Variants in ALDH1L1 observed in about 807,000 individuals in gnomAD.
ALDH1L1 encodes the protein cytosolic 10-formyltetrahydrofolate dehydrogenase.
In ALDH1L1, 68 loss-of-function variants were observed where a neutral mutation model predicts 101.1. That is an observed-to-expected ratio of 0.67 (90% confidence interval 0.55 to 0.82). The LOEUF (loss-of-function observed/expected upper bound fraction) is 0.82, where lower values mean the gene tolerates loss of function less well. ALDH1L1 is among the 40% of genes least tolerant of loss of function. The probability of loss-of-function intolerance (pLI) is 0.00; values close to 1 mark genes in which losing one functional copy is unlikely to be tolerated. For synonymous variants in ALDH1L1, 486 were observed against 470.8 expected (o/e 1.03, Z -0.42); for missense variants, 1,087 against 1,172.7 (o/e 0.93, Z 1.07).
upstream of ALDH1L1, among the ~76,000 whole-genome samples, chr3:126,186,097 G>C (rs563937377): frequency 6.6e-6 from 1 of 152,272 alleles, no homozygotes; most frequent in South Asian, 2.1e-4. Flanking sequence ...TCTGGAGATG[G>C]ATGGCAGTGA....
chr3:126,146,908 G>T lies in ALDH1L1; in HGVS notation c.1003C>A (p.Leu335Ile). Residue 335 changes from leucine to isoleucine, a missense_variant, in exon 9 of 23, where the codon CTC (leucine) becomes ATC (isoleucine). This residue lies in a region of ALDH1L1 where 645 missense variants were observed against 637.0 expected (regional missense o/e 1.01). Coordinates refer to ENST00000393434, the MANE Select transcript of ALDH1L1 (RefSeq NM_012190.4). ...TCTTCAACCTCCAGGACTTTGGGGAGGATCCGCTGCCAAACACTCTGCAAA... is the reference window on the plus strand; with the variant it reads ...TCTTCAACCTCCAGGACTTTGGGGATGATCCGCTGCCAAACACTCTGCAAA... Reference protein sequence around the residue: ...EAVRSVWQRILPKVLEVEDST... With the variant: ...EAVRSVWQRIIPKVLEVEDST... 1 of 1,613,960 alleles carries T rather than the reference G, an allele frequency of 6.2e-7. No individual in the cohort carries two copies. The highest frequency in any genetic ancestry group is 1.1e-5 in the South Asian group (1 of 90,962).
At chr3:126,188,094 C>G (rs2081531551) in intron 1 of ALDH1L1, among the ~76,000 whole-genome samples, 1 of 152,172 alleles carries the variant, frequency 6.6e-6, no homozygotes, top group African/African-American at 2.4e-5. Flanking sequence ...AGCATTGTAT[C>G]TCACTTGAAG....
At chr3:126,188,368 C>G (rs917365896) in intron 1 of ALDH1L1, among the ~76,000 whole-genome samples, 1 of 152,214 alleles carries the variant, frequency 6.6e-6, no homozygotes, top group African/African-American at 2.4e-5. Context: ...TGTGGGACTT[C>G]AGTATGCACG....
chr3:126,189,227 T>A (rs916436716), intron 1 of ALDH1L1, among the ~76,000 whole-genome samples: 9 of 152,130 alleles, frequency 5.9e-5, no homozygotes, highest in Non-Finnish European at 1.0e-4. Flanking sequence ...AGAAAAAAAA[T>A]TCAACATTTT....
Position 126,118,082 on chromosome 3 carries a change from C to G in ALDH1L1, c.1905G>C (p.Gln635His), listed in dbSNP as rs1405175944. Residue 635 changes from glutamine to histidine, a missense_variant, in exon 17 of 23, where the codon CAG becomes CAC. Physicochemically the swap from Gln to His is conservative, Grantham distance 24 (BLOSUM62 0). Transcript: ENST00000393434. ...TCACATCAGGATGGTCTGAGAGTCT[C>G]TGGCCGACCAGGGAGCCTGTGGGCG... is the stretch of plus-strand genomic sequence containing the variant. Reference protein sequence around the residue: ...VLPGSGSLVGQRLSDHPDVRK... With the variant: ...VLPGSGSLVGHRLSDHPDVRK... 1.9e-6 allele frequency: 3 copies of G among 1,613,658 alleles called. No homozygotes were observed. Among genetic ancestry groups the G allele is most frequent in the Admixed American group, 1.7e-5 (1 of 60,006 alleles).
chr3:126,179,781 G>C (rs1408941121), intron 1 of ALDH1L1: 1 of 152,242 alleles, frequency 6.6e-6, no homozygotes, highest in Non-Finnish European at 1.5e-5. Context: ...GTCTCTGTCT[G>C]CACTTTGGGA....
chr3:126,193,833 A>G (rs113559146), intron 1 of ALDH1L1, among the ~76,000 whole-genome samples: 25 of 152,296 alleles, frequency 1.6e-4, no homozygotes, highest in African/African-American at 5.8e-4. Flanking sequence ...CTGACAAAGT[A>G]TTTTCTTGAT....
chr3:126,135,511 G>T, intron 12 of ALDH1L1, 24 bp downstream of exon 12: 1 of 1,598,792 alleles, frequency 6.3e-7, no homozygotes, highest in Non-Finnish European at 8.5e-7. Context: ...GGCAGTGGCT[G>T]GCAGGTACAT....
At position 126,137,822 on chromosome 3, in the gene ALDH1L1, G is replaced by A; in HGVS notation, c.1215C>T (p.Ser405=). 1 of 1,614,000 alleles carries A rather than the reference G, an allele frequency of 6.2e-7. No homozygotes were observed. The highest frequency in any genetic ancestry group is 2.2e-5 in the East Asian group (1 of 44,886). Reference sequence around the variant, plus strand: ...AGGGCCCAGCACTCACGTAGTCAATGCTGCACTCGCCCTCCTCATCGTCCC... The same window carrying A: ...AGGGCCCAGCACTCACGTAGTCAATACTGCACTCGCCCTCCTCATCGTCCC... The part of the protein sequence containing the change: ...LRGDDEEGEC[S]IDYVEMAVNK... Residue 405 remains serine, a synonymous_variant, in exon 10 of 23, where the codon AGC becomes AGT. Coordinates refer to ENST00000393434, the MANE Select transcript of ALDH1L1 (RefSeq NM_012190.4).
chr3:126,178,111 G>C (rs916634492), intron 1 of ALDH1L1, among the ~76,000 whole-genome samples: 2 of 152,028 alleles, frequency 1.3e-5, no homozygotes, highest in South Asian at 4.1e-4. Flanking sequence ...GCCAGGCCTA[G>C]TGGTTCATGC....
Position 126,112,947 on chromosome 3 carries a change from G to T in ALDH1L1, c.2083-67C>A, listed in dbSNP as rs1946128780. On this transcript the variant is annotated intron_variant, in intron 18 of 22. Coordinates refer to ENST00000393434, the MANE Select transcript of ALDH1L1 (RefSeq NM_012190.4). The stretch of plus-strand genomic sequence containing the variant: ...GGGACACCAGCCCCCGGCTCTGCCA[G>T]GGCCCAGCCGCCTCTTCTAATTAGG... 12 of 1,459,072 alleles carry T rather than the reference G, an allele frequency of 8.2e-6. No individual in the cohort carries two copies. The Admixed American group carries it at 2.1e-4, about 25-fold the overall frequency. The allele number at this position is 1,459,072 out of a possible 1,614,324, so 90.4% of individuals were successfully genotyped here. A position where few individuals can be genotyped will look rare whatever the true frequency, so the allele number is the denominator to read the frequency against.
intron 1 of ALDH1L1, among the ~76,000 whole-genome samples, chr3:126,175,226 G>C (rs1482335703): frequency 6.6e-6 from 1 of 152,128 alleles, no homozygotes; most frequent in Non-Finnish European, 1.5e-5. Flanking sequence ...GGCCTATACT[G>C]ATTAAAGAAC....
intron 1 of ALDH1L1, among the ~76,000 whole-genome samples, chr3:126,174,399 T>C (rs2081336419): frequency 6.6e-6 from 1 of 152,218 alleles, no homozygotes; most frequent in African/African-American, 2.4e-5. Flanking sequence ...CACCATCAAT[T>C]AAGTGTATCT....
chr3:126,186,783 C>T (rs1218516370), intron 1 of ALDH1L1, among the ~76,000 whole-genome samples: 2 of 152,152 alleles, frequency 1.3e-5, no homozygotes, highest in Admixed American at 1.3e-4. Flanking sequence ...CAGAGGGATC[C>T]GCAGATGAGT....
At chr3:126,157,261 C>T (rs2080928359) in intron 4 of ALDH1L1, 82 bp downstream of exon 4, 1 of 1,482,332 alleles carries the variant, frequency 6.7e-7, no homozygotes, top group Non-Finnish European at 9.0e-7. Flanking sequence ...TTCCTGGCCT[C>T]CAGGAGCGGT....
intron 16 of ALDH1L1, among the ~76,000 whole-genome samples, chr3:126,122,439 C>T (rs1318019850): frequency 6.6e-6 from 1 of 152,116 alleles, no homozygotes; most frequent in African/African-American, 2.4e-5. Context: ...GGGAATAAAA[C>T]TTAAATGGAG....
chr3:126,156,930 G>A (rs2080921785), intron 4 of ALDH1L1, among the ~76,000 whole-genome samples: 2 of 152,086 alleles, frequency 1.3e-5, no homozygotes, highest in African/African-American at 4.8e-5. Context: ...TCTAATTCAG[G>A]GCAGCCAAAC....
At chr3:126,121,443 T>C (rs2080077546) in intron 16 of ALDH1L1, among the ~76,000 whole-genome samples, 1 of 152,216 alleles carries the variant, frequency 6.6e-6, no homozygotes, top group Admixed American at 6.5e-5. Flanking sequence ...TTAAATCTCT[T>C]TTTACTTACT....
intron 21 of ALDH1L1, among the ~76,000 whole-genome samples, chr3:126,106,677 G>A (rs575408762): frequency 4.7e-4 from 72 of 152,266 alleles, no homozygotes; most frequent in Non-Finnish European, 9.3e-4. Flanking sequence ...GAAGCCTCCC[G>A]CAAGACCCCC....
Sources: gnomAD v4.1 joint callset for allele counts (sites outside exome capture counted in the v4.1 genomes callset) on GRCh38, gnomAD v4.1.1 for gene constraint, gnomAD v4.1.1 regional missense constraint, MANE v1.5 for transcripts, NCBI Gene and HGNC (gene_info 2026-07-23, HGNC 2026-07-21) for gene names.